Variants in ANKS1B observed in about 807,000 individuals in gnomAD.
ANKS1B encodes ankyrin repeat and sterile alpha motif domain-containing protein 1B.
A neutral mutation model predicts 148.3 loss-of-function variants in ANKS1B; 36 were observed. The ratio of observed to expected loss-of-function variants is 0.24; its 90% confidence interval spans 0.19 to 0.32. The LOEUF (loss-of-function observed/expected upper bound fraction) is 0.32, where lower values mean the gene tolerates loss of function less well. ANKS1B is among the 10% of genes least tolerant of loss of function. The pLI, the probability that ANKS1B is intolerant of heterozygous loss-of-function variation, is 1.00. For synonymous variants in ANKS1B, 542 were observed against 560.8 expected (o/e 0.97, Z 0.47); for missense variants, 1,157 against 1,542.6 (o/e 0.75, Z 4.19).
intron 9 of ANKS1B, among the ~76,000 whole-genome samples, chr12:99,647,132 C>G (rs368940543): frequency 6.6e-6 from 1 of 152,108 alleles, no homozygotes; most frequent in East Asian, 1.9e-4. Flanking sequence ...TCCATATCCA[C>G]AAACACATAC....
intron 2 of ANKS1B, among the ~76,000 whole-genome samples, chr12:99,822,622 A>G (rs2082650335): frequency 6.6e-6 from 1 of 152,158 alleles, no homozygotes; most frequent in South Asian, 2.1e-4. Context: ...ACACAATTTC[A>G]TTCTTTTCAT....
At position 99,908,405 on chromosome 12, in the gene ANKS1B, C is replaced by T. The variant is rs570088733; in HGVS notation, c.134+75699G>A. Among the ~76,000 whole-genome samples, 5 of 152,062 alleles carry T rather than the reference C, an allele frequency of 3.3e-5. No individual in the cohort carries two copies. In the South Asian group the frequency reaches 1.0e-3, roughly 32 times the overall value. On this transcript the variant is annotated intron_variant, in intron 1 of 26. Transcript: ENST00000683438. ...GACCAGCCAGGGCAACATAGTAAAA[C>T]CCATCTCTACAAAAAAATATAAAAA...
chr12:99,116,860 T>C (rs1246218026), intron 15 of ANKS1B, among the ~76,000 whole-genome samples: 3 of 152,214 alleles, frequency 2.0e-5, no homozygotes, highest in South Asian at 4.1e-4. Context: ...TTTGTTTGTG[T>C]CCTCTCTGAT....
intron 14 of ANKS1B, among the ~76,000 whole-genome samples, chr12:99,213,069 C>A (rs781484432): frequency 1.3e-5 from 2 of 152,170 alleles, no homozygotes; most frequent in Non-Finnish European, 1.5e-5. Context: ...TGAATTGCTT[C>A]ACAGTTTCTA....
At chr12:99,267,646 A>G (rs1273174061) in intron 12 of ANKS1B, among the ~76,000 whole-genome samples, 1 of 152,210 alleles carries the variant, frequency 6.6e-6, no homozygotes, top group African/African-American at 2.4e-5. Flanking sequence ...AAATTAATCA[A>G]ACAAGGTCCA....
In ANKS1B at chr12:99,552,720, C is replaced by T. The variant is rs534199426; in HGVS notation, c.1273-48079G>A. ...GGATTGATTCCAAGACACCACTGCC[C>T]CAGTCCCACGAATACCAAAATTCAC... On this transcript the variant is annotated intron_variant, in intron 9 of 26. Coordinates refer to ENST00000683438, the MANE Select transcript of ANKS1B (RefSeq NM_001352186.2). 2.6e-4 allele frequency among the ~76,000 whole-genome samples: 39 copies of T among 152,276 alleles called. No individual in the cohort carries two copies. The South Asian group carries it at 7.7e-3, about 30-fold the overall frequency.
chr12:99,823,111 G>A (rs921268369), intron 2 of ANKS1B, among the ~76,000 whole-genome samples: 10 of 152,144 alleles, frequency 6.6e-5, no homozygotes, highest in South Asian at 2.1e-4. Flanking sequence ...GTCTGTTCAC[G>A]TCTTCTGAGT....
At chr12:99,537,170 C>T (rs1447884608) in intron 9 of ANKS1B, among the ~76,000 whole-genome samples, 2 of 152,156 alleles carry the variant, frequency 1.3e-5, no homozygotes, top group African/African-American at 2.4e-5. Flanking sequence ...TGTTGATGGA[C>T]GCTTTGGTTG....
intron 14 of ANKS1B, among the ~76,000 whole-genome samples, chr12:99,220,607 C>T (rs760317293): frequency 4.5e-4 from 69 of 151,804 alleles, no homozygotes; most frequent in Middle Eastern, 3.4e-3. Flanking sequence ...CCACCACCCC[C>T]GGCTAATTTT....
Position 99,210,861 on chromosome 12 carries a change from G to A in ANKS1B, c.2419+33481C>T, listed in dbSNP as rs140089555. ...TCGCCAAAATTCAGAAACTATTTGTGAGGATAATAGCAGTCTCCCTGGTAT... is the reference window on the plus strand; with the variant it reads ...TCGCCAAAATTCAGAAACTATTTGTAAGGATAATAGCAGTCTCCCTGGTAT... On this transcript the variant is annotated intron_variant, in intron 14 of 26. Transcript: ENST00000683438. Among the ~76,000 whole-genome samples, 36 of 152,304 alleles carry A rather than the reference G, an allele frequency of 2.4e-4. No homozygotes were observed. The East Asian group carries it at 4.1e-3, about 17-fold the overall frequency.
rs188498816 is a variant in ANKS1B, at chr12:98,868,594, C to T, written c.2779-36458G>A. On this transcript the variant is annotated intron_variant, in intron 17 of 26. Transcript: ENST00000683438. ...CCCTTTAAAGAAAATACCAAATACACGAACAACAAACTTCCCCGAATGTGT... is the reference window on the plus strand; with the variant it reads ...CCCTTTAAAGAAAATACCAAATACATGAACAACAAACTTCCCCGAATGTGT... Among the ~76,000 whole-genome samples, 566 of 152,296 alleles carry T rather than the reference C, an allele frequency of 3.7e-3. 3 individuals are homozygous for T. Among genetic ancestry groups the T allele is most frequent in the Non-Finnish European group, 6.2e-3 (424 of 68,020 alleles).
intron 14 of ANKS1B, among the ~76,000 whole-genome samples, chr12:99,200,351 T>C (rs1407554923): frequency 6.6e-6 from 1 of 152,216 alleles, no homozygotes. Flanking sequence ...ACAGGTTAAT[T>C]AGCGCATTTT....
intron 25 of ANKS1B, among the ~76,000 whole-genome samples, chr12:98,759,567 A>G (rs1485503746): frequency 1.3e-5 from 2 of 152,202 alleles, no homozygotes. Context: ...CTAGCCACCA[A>G]GGTAATTAAT....
At position 98,950,834 on chromosome 12, in the gene ANKS1B, T is replaced by C. The variant is rs146830626; in HGVS notation, c.2778+102323A>G. Among the ~76,000 whole-genome samples, 71 of 152,278 alleles carry C rather than the reference T, an allele frequency of 4.7e-4. 1 individual carries two copies. Among genetic ancestry groups the C allele is most frequent in the Middle Eastern group, 6.8e-3 (2 of 294 alleles). ...AAGCTACGGTGCAGTGGTGCAATTA[T>C]AGCTCACTTCAGCCTTAAACTCCTG... On this transcript the variant is annotated intron_variant, in intron 17 of 26. Transcript: ENST00000683438.
chr12:98,852,321 G>A (rs2099533469), intron 17 of ANKS1B, among the ~76,000 whole-genome samples: 3 of 152,240 alleles, frequency 2.0e-5, no homozygotes, highest in Non-Finnish European at 2.9e-5. Context: ...GAAATCTCTA[G>A]GCGGCAGAAA....
intron 12 of ANKS1B, among the ~76,000 whole-genome samples, chr12:99,358,775 C>T (rs1240957336): frequency 6.6e-6 from 1 of 151,998 alleles, no homozygotes; most frequent in Non-Finnish European, 1.5e-5. Context: ...TATATGTAGT[C>T]AGGAATTGTG....
chr12:99,524,839 C>A (rs1259108387), intron 9 of ANKS1B, among the ~76,000 whole-genome samples: 2 of 152,134 alleles, frequency 1.3e-5, no homozygotes, highest in Non-Finnish European at 2.9e-5. Flanking sequence ...GAACTGCCCC[C>A]ATAATTCAAT....
At chr12:98,893,995 T>C (rs1291037651) in intron 17 of ANKS1B, among the ~76,000 whole-genome samples, 2 of 152,190 alleles carry the variant, frequency 1.3e-5, no homozygotes, top group African/African-American at 4.8e-5. Context: ...CAAATTGGAA[T>C]TTCGCTGGAA....
Position 99,005,434 on chromosome 12 carries a change from G to T in ANKS1B, c.2778+47723C>A, listed in dbSNP as rs557039578. Among the ~76,000 whole-genome samples the T allele has an allele frequency of 1.4e-3, 216 of 152,292 alleles. 2 individuals carry two copies. The highest frequency in any genetic ancestry group is 4.9e-3 in the African/African-American group (205 of 41,548). ...AAACATGGACAGAAAGCAATGGAAA[G>T]TTGACATGTATAAAAGGTTTAGTCA... On this transcript the variant is annotated intron_variant, in intron 17 of 26. Transcript: ENST00000683438.
Sources: allele counts gnomAD v4.1 joint callset (sites outside exome capture counted in the v4.1 genomes callset), GRCh38; gene constraint gnomAD v4.1.1; transcripts MANE v1.5; gene names NCBI Gene and HGNC (gene_info 2026-07-23, HGNC 2026-07-21).